The following DMD variants were observed in gnomAD, a reference collection of about 807,000 sequenced individuals.
DMD encodes the protein dystrophin.
DMD carries 63 observed loss-of-function variants against 330.1 expected under a neutral mutation model. The observed-to-expected ratio is 0.19, with a 90% confidence interval of 0.16 to 0.24. The LOEUF (loss-of-function observed/expected upper bound fraction) is 0.24, where lower values mean the gene tolerates loss of function less well. DMD is among the 10% of genes least tolerant of loss of function. DMD has a pLI of 1.00. For missense variants in DMD, 3,344 were observed against 2,684.1 expected (o/e 1.25, Z -5.43); for synonymous variants, 1,223 against 959.8 (o/e 1.27, Z -5.07).
At chrX:31,804,227 A>C (rs1245907646) in intron 50 of DMD, among the ~76,000 whole-genome samples, 1 of 111,654 alleles carries the variant, frequency 9.0e-6, no homozygotes, top group Non-Finnish European at 1.9e-5. Context: ...TCCATAGTTT[A>C]GTAATTTCTA....
intron 49 of DMD, among the ~76,000 whole-genome samples, chrX:31,820,301 C>T (rs1164470006): frequency 8.9e-6 from 1 of 112,060 alleles, no homozygotes; most frequent in African/African-American, 3.2e-5. Flanking sequence ...ACCCTTTCTC[C>T]AGGCATAATT....
intron 61 of DMD, among the ~76,000 whole-genome samples, chrX:31,329,940 C>T (rs1252926344): frequency 1.1e-5 from 1 of 87,662 alleles, no homozygotes; most frequent in African/African-American, 4.5e-5. Flanking sequence ...CACTGCACTC[C>T]AGCCTGGCGA....
intron 70 of DMD, chrX:31,178,316 A>G (rs2040766638): frequency 1.0e-6 from 1 of 980,109 alleles, no homozygotes; most frequent in South Asian, 3.3e-5. Context: ...AAAGACACAC[A>G]TTTACTGATT....
At chrX:32,086,881 C>A (rs1218511263) in intron 44 of DMD, among the ~76,000 whole-genome samples, 4 of 111,421 alleles carry the variant, frequency 3.6e-5, no homozygotes, top group Non-Finnish European at 7.5e-5. Flanking sequence ...CCTGGAGCTC[C>A]AAAAGTACTT....
chrX:32,763,406 C>A (rs906242826), intron 7 of DMD, among the ~76,000 whole-genome samples: 6 of 111,503 alleles, frequency 5.4e-5, no homozygotes, highest in Non-Finnish European at 1.1e-4. Context: ...ACCCTGTAGG[C>A]CAAAATAATG....
At chrX:32,413,257 A>C (rs2098151337) in intron 29 of DMD, among the ~76,000 whole-genome samples, 1 of 110,593 alleles carries the variant, frequency 9.0e-6, no homozygotes, top group African/African-American at 3.3e-5. Context: ...GCAACCACCA[A>C]AAGCTAACAC....
At chrX:32,521,715 T>C (rs1448666770) in intron 17 of DMD, among the ~76,000 whole-genome samples, 2 of 112,467 alleles carry the variant, frequency 1.8e-5, no homozygotes, top group South Asian at 7.4e-4. Flanking sequence ...CTCAAACTAG[T>C]ACTCTATCAG....
At chrX:32,887,363 T>C (rs1799932252) in intron 2 of DMD, among the ~76,000 whole-genome samples, 1 of 108,151 alleles carries the variant, frequency 9.2e-6, no homozygotes, top group South Asian at 4.0e-4. Context: ...AATAAATAAA[T>C]AAAAAGAAAA....
At chrX:32,569,867 A>T (rs1452603803) in intron 15 of DMD, among the ~76,000 whole-genome samples, 1 of 111,524 alleles carries the variant, frequency 9.0e-6, no homozygotes, top group Non-Finnish European at 1.9e-5. Flanking sequence ...TTTACTCAGG[A>T]ACAGGTTTCT....
chrX:32,972,680 G>C (rs2092425396), intron 2 of DMD, among the ~76,000 whole-genome samples: 1 of 112,045 alleles, frequency 8.9e-6, no homozygotes, highest in Non-Finnish European at 1.9e-5. Context: ...TGAGCATCTA[G>C]GTTCAAATCC....
At chrX:31,232,641 G>A (rs766800092) in intron 63 of DMD, among the ~76,000 whole-genome samples, 1 of 111,460 alleles carries the variant, frequency 9.0e-6, no homozygotes, top group Non-Finnish European at 1.9e-5. Flanking sequence ...GAAAATACAA[G>A]GACTGGTTGA....
chrX:32,137,924 T>C (rs1311091144), intron 44 of DMD, among the ~76,000 whole-genome samples: 1 of 109,527 alleles, frequency 9.1e-6, no homozygotes, highest in Non-Finnish European at 1.9e-5. Context: ...CATGACTAAT[T>C]ATAACAGCTC....
At chrX:32,795,748 C>T (rs1237532893) in intron 7 of DMD, among the ~76,000 whole-genome samples, 6 of 111,195 alleles carry the variant, frequency 5.4e-5, no homozygotes, top group African/African-American at 2.0e-4. Context: ...ATACGAGGAT[C>T]CCAAACAATT....
chrX:31,690,985 G>A (rs892205471), intron 52 of DMD, among the ~76,000 whole-genome samples: 1 of 110,351 alleles, frequency 9.1e-6, no homozygotes, highest in Non-Finnish European at 1.9e-5. Flanking sequence ...AGGGGACGGG[G>A]GAGGGATAGC....
In DMD at chrX:31,126,626, C is replaced by T. The variant is rs766511035; in HGVS notation, c.11046+16G>A. 8 of 1,194,097 alleles carry T rather than the reference C, an allele frequency of 6.7e-6. No individual in the cohort carries two copies. In the South Asian group the frequency reaches 1.4e-4, roughly 21 times the overall value. On this transcript the variant is annotated intron_variant, in intron 78 of 78. Coordinates refer to ENST00000357033, the MANE Select transcript of DMD (RefSeq NM_004006.3). ...GACAGACAGAAGCCATGGCCGTGAG[C>T]CTGAATCTCACTAACCTCTCTCATT...
rs200074213 is a variant in DMD at position 32,864,129 on chromosome X, TTA to T, written c.94-14311_94-14310del. 2.4e-3 allele frequency among the ~76,000 whole-genome samples: 269 copies of T among 112,504 alleles called. No individual in the cohort carries two copies. In the East Asian group the frequency reaches 0.031, roughly 13 times the overall value. On this transcript the variant is annotated intron_variant, in intron 2 of 78. Coordinates refer to ENST00000357033, the MANE Select transcript of DMD (RefSeq NM_004006.3). ...CAAATATTGTCAAATATTACAATTT[TTA>T]TATGACTCTACCTCATGTATCAGAA...
chrX:33,175,944 G>A (rs2049624726), intron 1 of DMD, among the ~76,000 whole-genome samples: 1 of 111,224 alleles, frequency 9.0e-6, no homozygotes, highest in Admixed American at 9.6e-5. Flanking sequence ...GTGAGGAGGG[G>A]CCAGGAATTT....
chrX:32,786,087 G>C (rs2075331479), intron 7 of DMD, among the ~76,000 whole-genome samples: 1 of 38,834 alleles, frequency 2.6e-5, no homozygotes, highest in South Asian at 7.5e-4. Flanking sequence ...AGGAATAAGA[G>C]TGTGTGTGTG....
rs995559588 is a variant in DMD at position 32,586,972 on chromosome X, A to C, written c.1602+8785T>G. 2.7e-5 allele frequency among the ~76,000 whole-genome samples: 3 copies of C among 111,635 alleles called. No individual in the cohort carries two copies. The East Asian group carries it at 8.4e-4, about 31-fold the overall frequency. On this transcript the variant is annotated intron_variant, in intron 13 of 78. Transcript: ENST00000357033. ...TCCATCACATTTAAAGTTTTTTTTA[A>C]ATGCATTTAATTCACCAAATATAAA... is the stretch of plus-strand genomic sequence containing the variant.
Sources: allele counts gnomAD v4.1 joint callset (sites outside exome capture counted in the v4.1 genomes callset), GRCh38; gene constraint gnomAD v4.1.1; transcripts MANE v1.5; gene names NCBI Gene and HGNC (gene_info 2026-07-23, HGNC 2026-07-21).